PAPOLG: variants seen among roughly 807,000 people sequenced by gnomAD.
PAPOLG encodes poly(A) polymerase gamma.
PAPOLG carries 40 observed loss-of-function variants against 99.0 expected under a neutral mutation model. The ratio of observed to expected loss-of-function variants is 0.40; its 90% CI spans 0.31 to 0.53. The LOEUF is 0.53. Among genes scored for constraint, PAPOLG ranks in the 20% least tolerant of loss-of-function variants. The probability of loss-of-function intolerance (pLI) is 0.41; values close to 1 mark genes in which losing one functional copy is unlikely to be tolerated. For synonymous variants in PAPOLG, 310 were observed against 299.3 expected (o/e 1.04, Z -0.37); for missense variants, 675 against 884.1 (o/e 0.76, Z 3.00).
chr2:60,756,528 C>A (rs899110633), intron 1 of PAPOLG, 33 bp downstream of exon 1: 3 of 777,514 alleles, frequency 3.9e-6, no homozygotes, highest in Non-Finnish European at 4.0e-6. Context: ...TGGGGTGAGG[C>A]GGGTAGGGGT....
rs369307998 is a variant in PAPOLG at position 60,797,312 on chromosome 2, A to G, written c.*152A>G. On this transcript the variant is annotated 3_prime_UTR_variant, in exon 22 of 22. Coordinates refer to ENST00000238714, the MANE Select transcript of PAPOLG (RefSeq NM_022894.4). Reference sequence around the variant, plus strand: ...ACCTTGAAGTGGTTTTTGAACTGTCAAACTTTGACCTGTAGATGCTGTAGC... The same window carrying G: ...ACCTTGAAGTGGTTTTTGAACTGTCGAACTTTGACCTGTAGATGCTGTAGC... 1.4e-5 allele frequency: 13 copies of G among 910,066 alleles called. No individual in the cohort carries two copies. The highest frequency in any genetic ancestry group is 9.8e-5 in the Admixed American group (4 of 40,942). 56.4% of individuals were successfully genotyped at this position (910,066 alleles called of 1,614,324 possible).
chr2:60,784,753 G>T (rs1007621222), intron 13 of PAPOLG, among the ~76,000 whole-genome samples: 2 of 152,108 alleles, frequency 1.3e-5, no homozygotes, highest in Admixed American at 1.3e-4. Context: ...ATGTTTCTTC[G>T]TTTATATATT....
chr2:60,792,834 G>A (rs970586309), intron 17 of PAPOLG, among the ~76,000 whole-genome samples: 5 of 152,086 alleles, frequency 3.3e-5, no homozygotes, highest in Non-Finnish European at 7.4e-5. Context: ...TCAGGAGTTC[G>A]AGACCAGCCT....
In PAPOLG at chr2:60,797,181, A is replaced by G; in HGVS notation, c.*21A>G. 6.2e-7 allele frequency: 1 copy of G among 1,613,024 alleles called. No individual in the cohort carries two copies. Among genetic ancestry groups the G allele is most frequent in the Non-Finnish European group, 8.5e-7 (1 of 1,179,136 alleles). ...GGTAAAAGCAGTGCCTCCTCACTTA[A>G]GTGAACAAGCAATCATTTAGTGGCA... is the stretch of plus-strand genomic sequence containing the variant. On this transcript the variant is annotated 3_prime_UTR_variant, in exon 22 of 22. Transcript: ENST00000238714.
In PAPOLG at chr2:60,780,773, T is replaced by C; in HGVS notation, c.900T>C (p.Asp300=). 6.2e-7 allele frequency: 1 copy of C among 1,610,194 alleles called. No individual in the cohort carries two copies. The highest frequency in any genetic ancestry group is 1.1e-5 in the South Asian group (1 of 91,006). Residue 300 remains aspartate, a synonymous_variant, in exon 10 of 22, where the codon GAT becomes GAC. Coordinates refer to ENST00000238714, the MANE Select transcript of PAPOLG (RefSeq NM_022894.4). ...EESNLNLPVW[D]PRVNPSDRYH... Reference sequence around the variant, plus strand: ...GCAATTTGAATTTGCCTGTCTGGGATCCTCGGGTATGTGATTTATTATGGA... The same window carrying C: ...GCAATTTGAATTTGCCTGTCTGGGACCCTCGGGTATGTGATTTATTATGGA...
In PAPOLG at chr2:60,792,118, C is replaced by T. The variant is rs548064920; in HGVS notation, c.1519-11C>T. On this transcript the variant is annotated splice_polypyrimidine_tract_variant and intron_variant, in intron 16 of 21. Coordinates refer to ENST00000238714, the MANE Select transcript of PAPOLG (RefSeq NM_022894.4). ...GCATTTTGAAATCCTAAAATCGTTC[C>T]CTTCTTTCAGCAAAGTCTCTCTGAT... 32 of 1,570,420 alleles carry T rather than the reference C, an allele frequency of 2.0e-5. No homozygotes were observed. The South Asian group carries it at 3.7e-4, about 18-fold the overall frequency.
chr2:60,789,016 T>C (rs1490944373), intron 15 of PAPOLG, among the ~76,000 whole-genome samples: 2 of 152,126 alleles, frequency 1.3e-5, no homozygotes, highest in Non-Finnish European at 2.9e-5. Context: ...GATGAGTTCA[T>C]GTCCTTCGTA....
intron 8 of PAPOLG, among the ~76,000 whole-genome samples, chr2:60,775,950 A>C (rs1044836251): frequency 6.6e-6 from 1 of 152,024 alleles, no homozygotes; most frequent in Non-Finnish European, 1.5e-5. Flanking sequence ...TTTTTGGTAG[A>C]GACGGGGTTT....
intron 9 of PAPOLG, 86 bp downstream of exon 9, chr2:60,779,861 C>T: frequency 1.7e-6 from 2 of 1,151,778 alleles, no homozygotes; most frequent in Non-Finnish European, 2.4e-6. Flanking sequence ...TATACATAGA[C>T]TTTTTCTGTT....
chr2:60,793,004 C>G (rs1414279961), intron 17 of PAPOLG, among the ~76,000 whole-genome samples: 2 of 151,604 alleles, frequency 1.3e-5, no homozygotes, highest in African/African-American at 4.8e-5. Context: ...CCATTGCACT[C>G]CAGCCTAGGC....
In PAPOLG at chr2:60,797,211, T is replaced by C. The variant is rs778313352; in HGVS notation, c.*51T>C. On this transcript the variant is annotated 3_prime_UTR_variant, in exon 22 of 22. Coordinates refer to ENST00000238714, the MANE Select transcript of PAPOLG (RefSeq NM_022894.4). ...ACAAGCAATCATTTAGTGGCATAGA[T>C]GCAGCCACTTGTTTTTTAAATAGAA... 59 of 1,590,838 alleles carry C rather than the reference T, an allele frequency of 3.7e-5. No homozygotes were observed. The highest frequency in any genetic ancestry group is 4.8e-5 in the Non-Finnish European group (56 of 1,160,390).
intron 13 of PAPOLG, among the ~76,000 whole-genome samples, chr2:60,785,923 C>G (rs1671348531): frequency 1.3e-5 from 2 of 152,030 alleles, no homozygotes. Context: ...TGCCCTAAGC[C>G]ATGACTGTTT....
Position 60,793,980 on chromosome 2 carries a change from C to G in PAPOLG, c.1778C>G (p.Ser593Cys), listed in dbSNP as rs759064904. 4 of 1,607,264 alleles carry G rather than the reference C, an allele frequency of 2.5e-6. No individual in the cohort carries two copies. Among genetic ancestry groups the G allele is most frequent in the Admixed American group, 1.7e-5 (1 of 59,478 alleles). ...SIPVIGAKVD[S>C]TVKTVSPPTV... ...TTTTTTTCCTTTTCAGAAGTTGACT[C>G]TACAGTAAAAACTGTATCACCCCCC... The change falls in exon 19 of 22, where the codon TCT (serine) becomes TGT (cysteine). Residue 593 changes from serine (S) to cysteine (C), a missense_variant. Ser to Cys is a moderately radical substitution (Grantham distance 112, BLOSUM62 -1). Transcript: ENST00000238714.
At position 60,791,790 on chromosome 2, in the gene PAPOLG, C is replaced by G; in HGVS notation, c.1426C>G (p.Leu476Val). 6.2e-7 allele frequency: 1 copy of G among 1,612,886 alleles called. No individual in the cohort carries two copies. Among genetic ancestry groups the G allele is most frequent in the Non-Finnish European group, 8.5e-7 (1 of 1,179,440 alleles). ...CAGACAGGCAAACAATATAAATATG[C>G]TAAAGGAGGGAATGAAAATTGAAGC... ...VYRQANNINMLKEGMKIEATH... is the reference protein window; with the variant it reads ...VYRQANNINMVKEGMKIEATH... The change falls in exon 16 of 22, where the codon CTA (leucine) becomes GTA (valine). Residue 476 changes from leucine (L) to valine (V), a missense_variant. Physicochemically the swap from Leu to Val is conservative, Grantham distance 32. Transcript: ENST00000238714.
chr2:60,760,022 T>C (rs1337371511), intron 1 of PAPOLG, 112 bp from the exon 2 acceptor site: 1 of 1,088,636 alleles, frequency 9.2e-7, no homozygotes, highest in African/African-American at 1.6e-5. Context: ...CTGTTATTAC[T>C]AAGTAAACTT....
intron 1 of PAPOLG, 129 bp from the exon 2 acceptor site, chr2:60,760,005 G>T (rs1460526449): frequency 2.3e-6 from 2 of 873,590 alleles, no homozygotes; most frequent in Non-Finnish European, 3.5e-6. Context: ...GAAAGTGTCT[G>T]CCACTACTGT....
At chr2:60,770,735 C>T (rs1234718970) in intron 6 of PAPOLG, among the ~76,000 whole-genome samples, 3 of 151,874 alleles carry the variant, frequency 2.0e-5, no homozygotes, top group Non-Finnish European at 4.4e-5. Context: ...GTGATCCTTC[C>T]ACCTGAGCCT....
intron 7 of PAPOLG, among the ~76,000 whole-genome samples, chr2:60,773,512 T>C (rs1053893810): frequency 1.3e-5 from 2 of 152,236 alleles, no homozygotes; most frequent in Non-Finnish European, 2.9e-5. Flanking sequence ...GGTTAGAGTA[T>C]GGAATCTAAA....
At chr2:60,759,147 T>C (rs934100295) in intron 1 of PAPOLG, among the ~76,000 whole-genome samples, 4 of 152,166 alleles carry the variant, frequency 2.6e-5, no homozygotes, top group African/African-American at 9.7e-5. Flanking sequence ...GACTGTTGGA[T>C]CACCTGAGGT....
Sources: allele counts gnomAD v4.1 joint callset (sites outside exome capture counted in the v4.1 genomes callset), GRCh38; gene constraint gnomAD v4.1.1; transcripts MANE v1.5; gene names NCBI Gene and HGNC (gene_info 2026-07-23, HGNC 2026-07-21).